The following ITPK1 variants were observed in gnomAD, a reference collection of about 807,000 sequenced individuals.
ITPK1 encodes the protein inositol 1,3,4-trisphosphate 5/6-kinase.
Under a neutral mutation model 45.3 loss-of-function variants are expected in ITPK1, and 21 were observed. That is an observed-to-expected ratio of 0.46 (90% CI 0.33 to 0.67). The LOEUF (loss-of-function observed/expected upper bound fraction) is 0.67. Ranked by LOEUF, ITPK1 falls within the 30% of genes least tolerant of loss-of-function variation. The pLI is 0.02. For synonymous variants in ITPK1, 258 were observed against 253.6 expected, an observed-to-expected ratio of 1.02 and a Z score of -0.16; for missense variants, 474 against 573.5, an observed-to-expected ratio of 0.83 and a Z score of 1.77.
At chr14:92,970,424 A>G (rs1194853476) in intron 5 of ITPK1, among the ~76,000 whole-genome samples, 1 of 152,202 alleles carries the variant, frequency 6.6e-6, no homozygotes, top group African/African-American at 2.4e-5. Context: ...ACTGGTCCAC[A>G]TCCCAGGGCG....
intron 5 of ITPK1, among the ~76,000 whole-genome samples, chr14:92,970,531 G>GAGTGGCAGGAAACTGGGGCACT (rs1885593857): frequency 2.0e-5 from 3 of 152,242 alleles, no homozygotes; most frequent in Admixed American, 1.3e-4. Flanking sequence ...GGTTCCTAGG[G>GAGTGGCAGGAAACTGGGGCACT]GCCCATATTA....
At chr14:93,105,543 G>A (rs1108990) in intron 2 of ITPK1, among the ~76,000 whole-genome samples, 37,193 of 133,016 alleles carry the variant, frequency 0.28, 5,801 homozygotes, top group African/African-American at 0.45. Context: ...TTTTTTTGGA[G>A]ACGGAGTCTT....
intron 10 of ITPK1, among the ~76,000 whole-genome samples, chr14:92,944,546 T>C (rs1282183071): frequency 6.6e-6 from 1 of 152,140 alleles, no homozygotes; most frequent in Admixed American, 6.5e-5. Flanking sequence ...CTGGCCTTGC[T>C]CAGGTGCAAA....
At chr14:93,003,476 C>T (rs553502310) in intron 4 of ITPK1, among the ~76,000 whole-genome samples, 1 of 152,364 alleles carries the variant, frequency 6.6e-6, no homozygotes, top group Non-Finnish European at 1.5e-5. Context: ...GAAATCCACA[C>T]TAGGCCTAGG....
At chr14:93,044,186 G>A (rs1740694) in intron 3 of ITPK1, among the ~76,000 whole-genome samples, 52,932 of 152,138 alleles carry the variant, frequency 0.35, 10,299 homozygotes, top group Admixed American at 0.45. Context: ...CATGAGGCTG[G>A]TGGTGTGGGA....
intron 3 of ITPK1, among the ~76,000 whole-genome samples, chr14:93,044,275 T>C (rs1221286286): frequency 6.6e-6 from 1 of 152,222 alleles, no homozygotes; most frequent in African/African-American, 2.4e-5. Context: ...GTAAAATTCC[T>C]GTGTGGGCCA....
chr14:92,941,834 G>A lies in ITPK1; in HGVS notation c.972C>T (p.Ser324=). Residue 324 remains serine (S), a synonymous_variant, in exon 11 of 11, where the codon AGC becomes AGT. Transcript: ENST00000267615. ...NHIATVLQGQ[S]TAMAATGDVA... is the part of the protein sequence containing the mutation. The stretch of plus-strand genomic sequence containing the variant: ...CGTCCCCTGTGGCTGCCATGGCTGT[G>A]CTCTGGCCCTGCAGGACAGTGGCGA... 1 of 1,612,406 alleles carries A rather than the reference G, an allele frequency of 6.2e-7. No individual in the cohort carries two copies. The highest frequency in any genetic ancestry group is 8.5e-7 in the Non-Finnish European group (1 of 1,179,922).
chr14:93,061,480 G>A (rs978729845), intron 3 of ITPK1, among the ~76,000 whole-genome samples: 2 of 152,200 alleles, frequency 1.3e-5, no homozygotes, highest in Non-Finnish European at 2.9e-5. Context: ...CTCATGGGCA[G>A]AGAGAGTGGG....
chr14:93,069,272 C>T (rs923613533), intron 3 of ITPK1: 3 of 154,478 alleles, frequency 1.9e-5, no homozygotes, highest in Non-Finnish European at 1.5e-5. Context: ...ACCCAGCTTT[C>T]GCCTGCAGAA....
chr14:92,997,539 T>C (rs1320753260), intron 4 of ITPK1, among the ~76,000 whole-genome samples: 2 of 152,176 alleles, frequency 1.3e-5, no homozygotes, highest in African/African-American at 4.8e-5. Flanking sequence ...CAAGCGGACT[T>C]TGTGCCAAGC....
In ITPK1 at chr14:93,076,756, A is replaced by G; in HGVS notation, c.96-137T>C. 1 of 946,966 alleles carries G rather than the reference A, an allele frequency of 1.1e-6. No homozygotes were observed. Among genetic ancestry groups the G allele is most frequent in the Non-Finnish European group, 1.7e-6 (1 of 597,504 alleles). 58.7% of individuals were successfully genotyped at this position (946,966 alleles called of 1,614,324 possible). A position where few individuals can be genotyped will look rare whatever the true frequency, so the allele number is the denominator to read the frequency against. On this transcript the variant is annotated intron_variant, in intron 2 of 10. Transcript: ENST00000267615. This position sits in a 1 kb window ranked among gnomAD's most constrained non-coding sequence, Gnocchi z 4.3. ...AGCCGGCAGCTGCGCCTCTCCTGCT[A>G]CTGTCCCAGAACAGCCATGCCTTCC...
In ITPK1 at chr14:92,941,759, C is replaced by T. The variant is rs527839338; in HGVS notation, c.1047G>A (p.Leu349=). The change falls in exon 11 of 11, where the codon CTG becomes CTA. Residue 349 remains leucine, a synonymous_variant. Coordinates refer to ENST00000267615, the MANE Select transcript of ITPK1 (RefSeq NM_014216.6). ...SKLLAEPAGG[L]VGERTCSASP... is the part of the protein sequence containing the mutation. The stretch of plus-strand genomic sequence containing the variant: ...TGGCGCTGCATGTCCGCTCGCCCAC[C>T]AGGCCGCCCGCCGGCTCGGCCAGAA... 1.9e-6 allele frequency: 3 copies of T among 1,604,268 alleles called. No individual in the cohort carries two copies. Among genetic ancestry groups the T allele is most frequent in the African/African-American group, 1.3e-5 (1 of 74,790 alleles).
intron 3 of ITPK1, among the ~76,000 whole-genome samples, chr14:93,072,596 T>A (rs967128792): frequency 6.6e-6 from 1 of 150,926 alleles, no homozygotes; most frequent in Non-Finnish European, 1.5e-5. Context: ...AATCTAGTCA[T>A]CTCTTATCAA....
intron 3 of ITPK1, among the ~76,000 whole-genome samples, chr14:93,028,786 C>A (rs373682492): frequency 1.3e-5 from 2 of 152,350 alleles, no homozygotes; most frequent in South Asian, 2.1e-4. Flanking sequence ...GGTTCAGCTT[C>A]GGCATTTCTA....
intron 2 of ITPK1, among the ~76,000 whole-genome samples, chr14:93,082,356 T>C (rs1891471171): frequency 6.6e-6 from 1 of 152,132 alleles, no homozygotes; most frequent in African/African-American, 2.4e-5. Flanking sequence ...TTCGCAGCAT[T>C]CAGAGGCTTA....
intron 5 of ITPK1, among the ~76,000 whole-genome samples, chr14:92,977,419 G>C (rs1041418453): frequency 2.0e-5 from 3 of 152,222 alleles, no homozygotes; most frequent in Non-Finnish European, 2.9e-5. Context: ...GGAAGGTGCA[G>C]CCTTCTCGTC....
chr14:93,021,599 A>C (rs902927448), intron 3 of ITPK1, among the ~76,000 whole-genome samples: 5 of 142,632 alleles, frequency 3.5e-5, no homozygotes, highest in African/African-American at 1.3e-4. Flanking sequence ...TCTCAAAAAA[A>C]AAAAGAAAAG....
chr14:93,042,769 G>A (rs2139913924), intron 3 of ITPK1, among the ~76,000 whole-genome samples: 1 of 152,272 alleles, frequency 6.6e-6, no homozygotes, highest in South Asian at 2.1e-4. Flanking sequence ...TGTAATCCCA[G>A]CACTTTGGGA....
At chr14:92,944,138 C>A (rs754798421) in intron 10 of ITPK1, among the ~76,000 whole-genome samples, 1 of 152,176 alleles carries the variant, frequency 6.6e-6, no homozygotes, top group Non-Finnish European at 1.5e-5. Flanking sequence ...CCAGAGCCAG[C>A]CCCTCTCTGG....
Sources: gnomAD v4.1 joint callset for allele counts (sites outside exome capture counted in the v4.1 genomes callset) on GRCh38, gnomAD v4.1.1 for gene constraint, Gnocchi (gnomAD v3.1) non-coding constraint, MANE v1.5 for transcripts, NCBI Gene and HGNC (gene_info 2026-07-23, HGNC 2026-07-21) for gene names.